The following KATNAL2 variants were observed in gnomAD, a reference collection of about 807,000 sequenced individuals.
KATNAL2 encodes the protein katanin catalytic subunit A1 like 2, also known as katanin p60 ATPase-containing subunit A-like 2.
Under a neutral mutation model 76.3 loss-of-function variants are expected in KATNAL2, and 52 were observed. The ratio of observed to expected loss-of-function variants is 0.68; its 90% CI spans 0.55 to 0.86. The LOEUF is 0.86. Ranked by LOEUF, KATNAL2 falls within the 40% of genes least tolerant of loss-of-function variation. KATNAL2 has a pLI of 0.00. For missense variants in KATNAL2, 660 were observed against 668.9 expected (o/e 0.99, Z 0.15); for synonymous variants, 243 against 244.2 (o/e 1.00, Z 0.05).
In KATNAL2 at chr18:47,100,311, C is replaced by T. The variant is rs183886970; in HGVS notation, c.1432C>T (p.Arg478Trp). 19 of 1,614,048 alleles carry T rather than the reference C, an allele frequency of 1.2e-5. No homozygotes were observed. Among genetic ancestry groups the T allele is most frequent in the East Asian group, 2.2e-5 (1 of 44,880 alleles). ...IKLVCREAAM[R>W]PVRKIFDALE... is the part of the protein sequence containing the mutation. Reference sequence around the variant, plus strand: ...GCTCGTCTGCAGGGAAGCAGCCATGCGGCCCGTGAGGAAGATCTTTGATGC... The same window carrying T: ...GCTCGTCTGCAGGGAAGCAGCCATGTGGCCCGTGAGGAAGATCTTTGATGC... Residue 478 changes from arginine (R) to tryptophan (W), a missense_variant, in exon 17 of 18, where the codon CGG (arginine) becomes TGG (tryptophan). By Grantham distance (101) the Arg-to-Trp change is moderately radical (BLOSUM62 -3). Transcript: ENST00000683218.
At chr18:46,926,686 G>A (rs905514832) in intron 1 of KATNAL2, among the ~76,000 whole-genome samples, 5 of 152,178 alleles carry the variant, frequency 3.3e-5, no homozygotes, top group African/African-American at 7.2e-5. Context: ...ACAGTGGGGT[G>A]TGAAAGTCTC....
At chr18:47,083,155 G>A (rs974223335) in intron 15 of KATNAL2, among the ~76,000 whole-genome samples, 41 of 152,158 alleles carry the variant, frequency 2.7e-4, no homozygotes, top group African/African-American at 9.7e-4. Context: ...ACAGATTTCC[G>A]GAAGTCAGTT....
intron 3 of KATNAL2, chr18:47,034,238 C>A: frequency 1.2e-6 from 2 of 1,613,904 alleles, no homozygotes; most frequent in South Asian, 1.1e-5. Flanking sequence ...GTCTCTCGGT[C>A]GTTGGAAAGC....
chr18:46,944,684 G>A (rs2059336344), intron 1 of KATNAL2, among the ~76,000 whole-genome samples: 1 of 152,086 alleles, frequency 6.6e-6, no homozygotes, highest in African/African-American at 2.4e-5. Flanking sequence ...GCAGTGAGCC[G>A]AGATCACGCC....
chr18:47,070,262 A>G (rs923384382), intron 13 of KATNAL2, among the ~76,000 whole-genome samples: 1 of 151,828 alleles, frequency 6.6e-6, no homozygotes, highest in Non-Finnish European at 1.5e-5. Context: ...ACGCCCAGCT[A>G]ATTTTTTTTG....
At chr18:47,068,412 A>G (rs1369213568) in intron 11 of KATNAL2, among the ~76,000 whole-genome samples, 1 of 152,200 alleles carries the variant, frequency 6.6e-6, no homozygotes, top group Non-Finnish European at 1.5e-5. Flanking sequence ...TAAGAAATAC[A>G]CTAGTGTTCA....
At chr18:47,036,328 C>G (rs958622048) in intron 3 of KATNAL2, among the ~76,000 whole-genome samples, 4 of 152,192 alleles carry the variant, frequency 2.6e-5, no homozygotes, top group African/African-American at 7.2e-5. Context: ...CATGCTTTGG[C>G]TAGTTTTCTC....
At chr18:47,067,523 G>T (rs1447527549) in intron 11 of KATNAL2, among the ~76,000 whole-genome samples, 1 of 152,094 alleles carries the variant, frequency 6.6e-6, no homozygotes, top group Non-Finnish European at 1.5e-5. Context: ...CCCTCCCCAG[G>T]ATCGTCTGGG....
chr18:47,034,574 G>T lies in KATNAL2; in HGVS notation c.52-11883G>T, dbSNP rs368077113. The T allele has an allele frequency of 5.1e-5, 83 of 1,614,086 alleles. No homozygotes were observed. The African/African-American group carries it at 9.6e-4, about 19-fold the overall frequency. ...GCACACAAGGGGCGTTTTTCCTGGCGAGACGATTTGTGCCCCTTGCTGTGG... is the reference window on the plus strand; with the variant it reads ...GCACACAAGGGGCGTTTTTCCTGGCTAGACGATTTGTGCCCCTTGCTGTGG... On this transcript the variant is annotated intron_variant, in intron 3 of 17. Coordinates refer to ENST00000683218, the MANE Select transcript of KATNAL2 (RefSeq NM_001387690.1).
chr18:46,941,026 AAAAC>A (rs1158462882), intron 1 of KATNAL2, among the ~76,000 whole-genome samples: 2 of 152,126 alleles, frequency 1.3e-5, no homozygotes, highest in African/African-American at 4.8e-5. Context: ...CTTGTCTCCA[AAAAC>A]AAACAAACAA....
At chr18:47,078,964 A>G (rs980892866) in intron 15 of KATNAL2, among the ~76,000 whole-genome samples, 6 of 152,182 alleles carry the variant, frequency 3.9e-5, no homozygotes, top group Non-Finnish European at 8.8e-5. Context: ...AACGTGCCTT[A>G]GAACCAATAT....
intron 1 of KATNAL2, among the ~76,000 whole-genome samples, chr18:46,919,445 C>T (rs1467507440): frequency 6.6e-6 from 1 of 151,614 alleles, no homozygotes; most frequent in Non-Finnish European, 1.5e-5. Context: ...GAGATAGCGC[C>T]ATTGCACTCC....
intron 13 of KATNAL2, among the ~76,000 whole-genome samples, chr18:47,073,180 T>A (rs1170638929): frequency 6.6e-6 from 1 of 152,178 alleles, no homozygotes; most frequent in East Asian, 1.9e-4. Flanking sequence ...ATATATTTTT[T>A]AAAATAAACA....
At chr18:46,959,318 C>T (rs1377961246) in intron 3 of KATNAL2, among the ~76,000 whole-genome samples, 1 of 152,154 alleles carries the variant, frequency 6.6e-6, no homozygotes, top group Non-Finnish European at 1.5e-5. Context: ...CAATTCTGAC[C>T]ACTGCTACAG....
chr18:47,055,729 G>A (rs911972173), intron 6 of KATNAL2, among the ~76,000 whole-genome samples: 5 of 152,170 alleles, frequency 3.3e-5, no homozygotes, highest in Non-Finnish European at 7.3e-5. Flanking sequence ...AGCCAGCTTC[G>A]GAAGGCTTTT....
rs547625855 is a variant in KATNAL2 at position 47,035,325 on chromosome 18, G to A, written c.52-11132G>A. 3.7e-6 allele frequency: 6 copies of A among 1,607,726 alleles called. No individual in the cohort carries two copies. In the East Asian group the frequency reaches 1.1e-4, roughly 30 times the overall value. ...GTCGCAGCTCTGTCTTTGGGGCTGC[G>A]GGACAGGAAGTCTGGGGTGGCCGGT... On this transcript the variant is annotated intron_variant, in intron 3 of 17. Coordinates refer to ENST00000683218, the MANE Select transcript of KATNAL2 (RefSeq NM_001387690.1).
intron 4 of KATNAL2, among the ~76,000 whole-genome samples, chr18:47,050,268 C>T (rs889621377): frequency 1.3e-5 from 2 of 152,042 alleles, no homozygotes; most frequent in African/African-American, 4.8e-5. Context: ...TAAGTTGACT[C>T]TTATAAAACT....
At chr18:47,031,010 TCTCCC>T (rs1246145954) in intron 3 of KATNAL2, among the ~76,000 whole-genome samples, 68 of 6,562 alleles carry the variant, frequency 0.01, no homozygotes, top group African/African-American at 0.038. Flanking sequence ...CCCTCTAGCA[TCTCCC>T]CCCCCCCCCC....
intron 15 of KATNAL2, chr18:47,084,412 T>C (rs1352167625): frequency 4.3e-6 from 3 of 702,558 alleles, no homozygotes; most frequent in Admixed American, 4.0e-5. Flanking sequence ...CTTCACTAGA[T>C]CAACATTTTT....
Sources: allele counts gnomAD v4.1 joint callset (sites outside exome capture counted in the v4.1 genomes callset), GRCh38; gene constraint gnomAD v4.1.1; transcripts MANE v1.5; gene names NCBI Gene and HGNC (gene_info 2026-07-23, HGNC 2026-07-21).